The following SLC1A7 variants were observed in gnomAD, a reference collection of about 807,000 sequenced individuals.
SLC1A7 encodes excitatory amino acid transporter 5.
SLC1A7 carries 40 observed loss-of-function variants against 47.7 expected under a neutral mutation model. That is an observed-to-expected ratio of 0.84 (90% CI 0.65 to 1.09). The LOEUF (loss-of-function observed/expected upper bound fraction) is 1.09, where lower values mean the gene tolerates loss of function less well. Among genes scored for constraint, SLC1A7 ranks in the 50% least tolerant of loss-of-function variants. The probability of loss-of-function intolerance (pLI) is 0.00; values close to 1 mark genes in which losing one functional copy is unlikely to be tolerated. For missense variants in SLC1A7, 746 were observed against 769.5 expected, an observed-to-expected ratio of 0.97 and a Z score of 0.36; for synonymous variants, 323 against 325.6, an observed-to-expected ratio of 0.99 and a Z score of 0.09.
chr1:53,099,154 CGGTACACTCACAGAGTCTT>C (rs1644538100), intron 5 of SLC1A7, among the ~76,000 whole-genome samples: 1 of 139,794 alleles, frequency 7.2e-6, no homozygotes, highest in Non-Finnish European at 1.6e-5. Context: ...CACGCTGCCT[CGGTACACTCACAGAGTCTT>C]GGTACACTCA....
rs149844615 is a variant in SLC1A7, at chr1:53,114,780, C to T, written c.409G>A (p.Asp137Asn). The change falls in exon 3 of 11, where the codon GAT (aspartate) becomes AAT (asparagine). Residue 137 changes from aspartate to asparagine, a missense_variant. Coordinates refer to ENST00000371494, the MANE Select transcript of SLC1A7 (RefSeq NM_006671.6). ...TACCGGATGAGGTCCAACAGGGCAT[C>T]GGCTGAGCTCATGATGGGCTTCCCA... ...QSGKPIMSSA[D>N]ALLDLIRNMF... 1.9e-3 allele frequency: 3,078 copies of T among 1,614,024 alleles called. 7 individuals are homozygous for T. The highest frequency in any genetic ancestry group is 2.4e-3 in the Non-Finnish European group (2,830 of 1,179,978).
intron 8 of SLC1A7, chr1:53,090,180 G>T: frequency 1.7e-6 from 1 of 592,204 alleles, no homozygotes; most frequent in Non-Finnish European, 3.0e-6. Flanking sequence ...TGTGTCTGGA[G>T]CTGTGCCTCT....
Position 53,114,877 on chromosome 1 carries a change from G to A in SLC1A7, c.312C>T (p.Val104=). 6.2e-7 allele frequency: 1 copy of A among 1,614,194 alleles called. No individual in the cohort carries two copies. ...TGGAGACCATGAAGATGCCCACGAT[G>A]ACAGCCATGAAGGTGGTCCACAGGT... The part of the protein sequence containing the change: ...AYYLWTTFMA[V]IVGIFMVSII... The change falls in exon 3 of 11, where the codon GTC becomes GTT. Residue 104 remains valine, a synonymous_variant. Transcript: ENST00000371494.
Position 53,105,760 on chromosome 1 carries a change from G to A in SLC1A7, c.446C>T (p.Ala149Val). The A allele has an allele frequency of 6.2e-7, 1 of 1,613,350 alleles. No individual in the cohort carries two copies. The highest frequency in any genetic ancestry group is 8.5e-7 in the Non-Finnish European group (1 of 1,179,518). ...LLDLIRNMFP[A>V]NLVEATFKQY... ...TTTGAATGTGGCTTCTACTAGGTTGGCTGGGAACATGTTCCTAGGAAGAGA... is the reference window on the plus strand; with the variant it reads ...TTTGAATGTGGCTTCTACTAGGTTGACTGGGAACATGTTCCTAGGAAGAGA... Residue 149 changes from alanine to valine, a missense_variant, in exon 4 of 11, where the codon GCC (alanine) becomes GTC (valine). Ala to Val is a moderately conservative substitution (Grantham distance 64). Transcript: ENST00000371494.
At chr1:53,121,111 T>A (rs6660952) in intron 2 of SLC1A7, among the ~76,000 whole-genome samples, 1 of 152,240 alleles carries the variant, frequency 6.6e-6, no homozygotes, top group African/African-American at 2.4e-5. Flanking sequence ...ACTGTCTGTC[T>A]GTGACCACCT....
At chr1:53,132,704 G>A (rs1644953372) in intron 2 of SLC1A7, among the ~76,000 whole-genome samples, 1 of 149,396 alleles carries the variant, frequency 6.7e-6, no homozygotes, top group South Asian at 2.2e-4. Context: ...AAAATAATTA[G>A]GTGTGGTGGT....
chr1:53,132,266 G>A (rs139620748), intron 2 of SLC1A7, among the ~76,000 whole-genome samples: 1 of 152,328 alleles, frequency 6.6e-6, no homozygotes, highest in Non-Finnish European at 1.5e-5. Context: ...GGGTGGAATA[G>A]ATGGGACGGG....
At chr1:53,088,814 G>T in intron 10 of SLC1A7, 63 bp downstream of exon 10, 1 of 1,313,460 alleles carries the variant, frequency 7.6e-7, no homozygotes, top group Non-Finnish European at 1.1e-6. Flanking sequence ...TGGAAGATCT[G>T]GTGCCCTGCC....
intron 1 of SLC1A7, among the ~76,000 whole-genome samples, chr1:53,134,667 C>A (rs1644973384): frequency 6.6e-6 from 1 of 152,162 alleles, no homozygotes; most frequent in African/African-American, 2.4e-5. Context: ...TGTGACCACT[C>A]TGAGTTTTGT....
Position 53,092,545 on chromosome 1 carries a change from C to A in SLC1A7, c.1031+9G>T. The stretch of plus-strand genomic sequence containing the variant: ...AGCTCCCCACCGTCCTGCCCGTCCC[C>A]GGGGCTACCTGGAGGAGGTGGCCAG... On this transcript the variant is annotated intron_variant, in intron 7 of 10. Transcript: ENST00000371494. 1.2e-6 allele frequency: 2 copies of A among 1,602,092 alleles called. No homozygotes were observed. The highest frequency in any genetic ancestry group is 1.7e-6 in the Non-Finnish European group (2 of 1,169,418).
chr1:53,129,528 A>T, intron 2 of SLC1A7, among the ~76,000 whole-genome samples: 1 of 96,528 alleles, frequency 1.0e-5, no homozygotes, highest in African/African-American at 3.8e-5. Context: ...ATGTCTGAGG[A>T]GGGACTTGGG....
At position 53,130,985 on chromosome 1, in the gene SLC1A7, T is replaced by TC. The variant is rs78005900; in HGVS notation, c.215+3364dup. Among the ~76,000 whole-genome samples the TC allele has an allele frequency of 2.9e-3, 440 of 152,146 alleles. 10 individuals carry two copies. The East Asian group carries it at 0.043, about 15-fold the overall frequency. On this transcript the variant is annotated intron_variant, in intron 2 of 10. Transcript: ENST00000371494. The stretch of plus-strand genomic sequence containing the variant: ...TTAGGACTCAGAAATGCGTCATATC[T>TC]CCCCCCTGAAGGTTTAATTTTCCCT...
intron 2 of SLC1A7, among the ~76,000 whole-genome samples, chr1:53,123,538 C>T (rs547972399): frequency 5.9e-5 from 9 of 152,324 alleles, no homozygotes; most frequent in African/African-American, 1.7e-4. Flanking sequence ...CTCTGGCCAG[C>T]GGGTGGGGAG....
At chr1:53,105,921 T>A (rs1249302280) in intron 3 of SLC1A7, 147 bp from the exon 4 acceptor site, 1 of 694,686 alleles carries the variant, frequency 1.4e-6, no homozygotes, top group Admixed American at 2.2e-5. Flanking sequence ...CACTACATCA[T>A]GGACACTCCA....
At chr1:53,106,843 GAAAT>G (rs1160690106) in intron 3 of SLC1A7, among the ~76,000 whole-genome samples, 3 of 152,040 alleles carry the variant, frequency 2.0e-5, no homozygotes, top group African/African-American at 7.2e-5. Flanking sequence ...AAGGTTTAAA[GAAAT>G]AAATAAGTCT....
chr1:53,105,452 G>C (rs536946030), intron 4 of SLC1A7, among the ~76,000 whole-genome samples: 7 of 152,152 alleles, frequency 4.6e-5, no homozygotes, highest in Admixed American at 4.6e-4. Flanking sequence ...GTGGATGGGC[G>C]AGATGGTGTA....
At chr1:53,093,095 C>T (rs1167698026) in intron 6 of SLC1A7, among the ~76,000 whole-genome samples, 1 of 152,258 alleles carries the variant, frequency 6.6e-6, no homozygotes, top group Non-Finnish European at 1.5e-5. Flanking sequence ...GCGTTCCCCA[C>T]TGAGCTCCTG....
chr1:53,109,453 G>A (rs1644679474), intron 3 of SLC1A7, among the ~76,000 whole-genome samples: 1 of 152,184 alleles, frequency 6.6e-6, no homozygotes, highest in Non-Finnish European at 1.5e-5. Flanking sequence ...CGGCCCCCCG[G>A]AGCCCTGGAA....
At chr1:53,094,288 G>A (rs1356652336) in intron 5 of SLC1A7, among the ~76,000 whole-genome samples, 2 of 152,184 alleles carry the variant, frequency 1.3e-5, no homozygotes, top group Admixed American at 6.5e-5. Context: ...CGCCTCCCCC[G>A]GCATTCTAGG....
Sources: gnomAD v4.1 joint callset for allele counts (sites outside exome capture counted in the v4.1 genomes callset) on GRCh38, gnomAD v4.1.1 for gene constraint, MANE v1.5 for transcripts, NCBI Gene and HGNC (gene_info 2026-07-23, HGNC 2026-07-21) for gene names.